The following PRKCA variants were observed in gnomAD, a reference collection of about 807,000 sequenced individuals.
PRKCA encodes protein kinase C alpha type.
In PRKCA, 27 loss-of-function variants were observed where a neutral mutation model predicts 87.0. That is an observed-to-expected ratio of 0.31 (90% CI 0.23 to 0.43). The LOEUF (loss-of-function observed/expected upper bound fraction) is 0.43. Ranked by LOEUF, PRKCA falls within the 20% of genes least tolerant of loss-of-function variation. The pLI is 1.00. For synonymous variants in PRKCA, 329 were observed against 311.1 expected, an observed-to-expected ratio of 1.06 and a Z score of -0.61; for missense variants, 518 against 852.3, an observed-to-expected ratio of 0.61 and a Z score of 4.88.
chr17:66,483,678 T>G (rs1032994841), intron 2 of PRKCA, among the ~76,000 whole-genome samples: 2 of 151,986 alleles, frequency 1.3e-5, no homozygotes, highest in East Asian at 3.9e-4. Context: ...ATCCAGGATG[T>G]TCTCAATCTC....
chr17:66,607,692 G>A (rs1254785515), intron 3 of PRKCA, among the ~76,000 whole-genome samples: 1 of 152,106 alleles, frequency 6.6e-6, no homozygotes, highest in East Asian at 1.9e-4. Flanking sequence ...TCCACCCTCT[G>A]TTAGCTTCTC....
At chr17:66,465,993 T>G (rs79239451) in intron 2 of PRKCA, among the ~76,000 whole-genome samples, 6,894 of 152,304 alleles carry the variant, frequency 0.045, 228 homozygotes, top group Admixed American at 0.11. Context: ...AAAGCTGTTC[T>G]TCTGTAGGGC....
At chr17:66,691,341 A>G (rs993721855) in intron 8 of PRKCA, among the ~76,000 whole-genome samples, 5 of 152,178 alleles carry the variant, frequency 3.3e-5, no homozygotes, top group African/African-American at 1.2e-4. Context: ...TATCTGTGTA[A>G]CTACTATTTG....
At chr17:66,486,690 C>T (rs6504437) in intron 2 of PRKCA, among the ~76,000 whole-genome samples, 40 of 152,094 alleles carry the variant, frequency 2.6e-4, no homozygotes, top group African/African-American at 7.7e-4. Context: ...CACAGTCCCC[C>T]GTTGTCTTTT....
At chr17:66,786,238 C>T (rs2144376469) in intron 14 of PRKCA, among the ~76,000 whole-genome samples, 1 of 152,316 alleles carries the variant, frequency 6.6e-6, no homozygotes, top group South Asian at 2.1e-4. Context: ...GCCACAAGGT[C>T]CCACGGGGCC....
At chr17:66,731,805 G>C (rs1319054483) in intron 8 of PRKCA, among the ~76,000 whole-genome samples, 1 of 91,298 alleles carries the variant, frequency 1.1e-5, no homozygotes, top group Non-Finnish European at 2.0e-5. Flanking sequence ...TTTTTTTTGA[G>C]ACAGAGTCTT....
chr17:66,764,865 T>C (rs1010150393), intron 13 of PRKCA, among the ~76,000 whole-genome samples: 49 of 152,166 alleles, frequency 3.2e-4, no homozygotes, highest in African/African-American at 1.2e-3. Flanking sequence ...AGACACCTGC[T>C]CCTATCCCCA....
At chr17:66,724,294 T>TG (rs1973687671) in intron 8 of PRKCA, among the ~76,000 whole-genome samples, 2 of 117,446 alleles carry the variant, frequency 1.7e-5, no homozygotes, top group African/African-American at 7.2e-5. Context: ...AGACTCCATC[T>TG]CAAAAAAAAA....
At chr17:66,680,929 T>G (rs1253369709) in intron 5 of PRKCA, among the ~76,000 whole-genome samples, 1 of 152,146 alleles carries the variant, frequency 6.6e-6, no homozygotes, top group Non-Finnish European at 1.5e-5. Flanking sequence ...TTCTCTGGAT[T>G]AAGAAACCAC....
chr17:66,475,475 T>C (rs888112267), intron 2 of PRKCA, among the ~76,000 whole-genome samples: 1 of 152,204 alleles, frequency 6.6e-6, no homozygotes, highest in Non-Finnish European at 1.5e-5. Context: ...TCTTGATCGC[T>C]ATTAGCTTGG....
chr17:66,670,175 T>G (rs1972140001), intron 5 of PRKCA, among the ~76,000 whole-genome samples: 1 of 152,184 alleles, frequency 6.6e-6, no homozygotes, highest in African/African-American at 2.4e-5. Flanking sequence ...ACCCACACTT[T>G]CTTGAAAATT....
At chr17:66,617,084 T>C (rs1970538829) in intron 3 of PRKCA, among the ~76,000 whole-genome samples, 1 of 152,078 alleles carries the variant, frequency 6.6e-6, no homozygotes, top group Non-Finnish European at 1.5e-5. Context: ...ACAAAATGCA[T>C]TACAATATGT....
At chr17:66,591,959 T>C (rs995711134) in intron 3 of PRKCA, among the ~76,000 whole-genome samples, 2 of 152,032 alleles carry the variant, frequency 1.3e-5, no homozygotes, top group African/African-American at 4.8e-5. Flanking sequence ...GACCCAAGAG[T>C]GTCTGGTCCT....
chr17:66,677,902 C>A (rs1486868579), intron 5 of PRKCA, among the ~76,000 whole-genome samples: 1 of 152,166 alleles, frequency 6.6e-6, no homozygotes, highest in African/African-American at 2.4e-5. Flanking sequence ...AGTATATTCA[C>A]AAGATTGTGC....
intron 8 of PRKCA, among the ~76,000 whole-genome samples, chr17:66,712,633 C>T (rs1349409634): frequency 6.6e-6 from 1 of 152,150 alleles, no homozygotes; most frequent in Admixed American, 6.5e-5. Context: ...TCCCTCTTCT[C>T]CCACCTGCTG....
chr17:66,637,248 C>A (rs1055553711), intron 3 of PRKCA, among the ~76,000 whole-genome samples: 5 of 152,180 alleles, frequency 3.3e-5, no homozygotes, highest in African/African-American at 7.2e-5. Context: ...GCCTGGCATG[C>A]ACATACTCCT....
chr17:66,486,170 G>A (rs1004518354), intron 2 of PRKCA, among the ~76,000 whole-genome samples: 1 of 152,084 alleles, frequency 6.6e-6, no homozygotes, highest in African/African-American at 2.4e-5. Flanking sequence ...ATTTTTGCGT[G>A]ATTTGTCATA....
chr17:66,311,299 G>T (rs1734510478), intron 2 of PRKCA, among the ~76,000 whole-genome samples: 1 of 152,174 alleles, frequency 6.6e-6, no homozygotes, highest in Admixed American at 6.5e-5. Context: ...ACAGAGAAAA[G>T]TGGTGGAGGT....
intron 2 of PRKCA, among the ~76,000 whole-genome samples, chr17:66,406,530 G>A (rs963658297): frequency 2.1e-5 from 3 of 142,938 alleles, no homozygotes; most frequent in Non-Finnish European, 1.5e-5. Flanking sequence ...AAGAGTCTAT[G>A]GCAGGGCAGA....
Sources: gnomAD v4.1 joint callset for allele counts (sites outside exome capture counted in the v4.1 genomes callset) on GRCh38, gnomAD v4.1.1 for gene constraint, MANE v1.5 for transcripts, NCBI Gene and HGNC (gene_info 2026-07-23, HGNC 2026-07-21) for gene names.